RSF1: variants seen among roughly 807,000 people sequenced by gnomAD.
RSF1 encodes remodeling and spacing factor 1.
A neutral mutation model predicts 145.2 loss-of-function variants in RSF1; 13 were observed. The ratio of observed to expected loss-of-function variants is 0.09; its 90% confidence interval spans 0.06 to 0.14. RSF1 has a LOEUF of 0.14. Ranked by LOEUF, RSF1 falls within the 10% of genes least tolerant of loss-of-function variation. The pLI, the probability that RSF1 is intolerant of heterozygous loss-of-function variation, is 1.00. For synonymous variants in RSF1, 577 were observed against 592.6 expected, an observed-to-expected ratio of 0.97 and a Z score of 0.38; for missense variants, 1,517 against 1,718.2, an observed-to-expected ratio of 0.88 and a Z score of 2.07.
At chr11:77,788,330 T>C (rs1253352347) in intron 1 of RSF1, among the ~76,000 whole-genome samples, 1 of 149,596 alleles carries the variant, frequency 6.7e-6, no homozygotes, top group South Asian at 2.1e-4. Context: ...ACATGAAAAG[T>C]TCTTATATGA....
intron 3 of RSF1, among the ~76,000 whole-genome samples, chr11:77,743,543 C>G (rs1376072257): frequency 2.0e-5 from 3 of 152,106 alleles, no homozygotes; most frequent in African/African-American, 7.2e-5. Context: ...AGTAGAAACA[C>G]TTCTAATTTT....
At chr11:77,818,643 G>A (rs1352911797) in intron 1 of RSF1, among the ~76,000 whole-genome samples, 2 of 152,138 alleles carry the variant, frequency 1.3e-5, no homozygotes, top group East Asian at 1.9e-4. Flanking sequence ...GCCGGGCTCG[G>A]TGGTGCACAC....
chr11:77,764,454 A>G, intron 2 of RSF1, 144 bp downstream of exon 2: 2 of 584,830 alleles, frequency 3.4e-6, no homozygotes, highest in South Asian at 4.5e-5. Flanking sequence ...AGAGAATCAC[A>G]TACTTGCAGT....
At chr11:77,754,923 C>T (rs1948100940) in intron 2 of RSF1, among the ~76,000 whole-genome samples, 1 of 151,986 alleles carries the variant, frequency 6.6e-6, no homozygotes, top group Non-Finnish European at 1.5e-5. Context: ...GATCCAAGAT[C>T]TTGCCACTGC....
intron 5 of RSF1, among the ~76,000 whole-genome samples, chr11:77,710,736 A>C (rs1960658751): frequency 6.6e-6 from 1 of 152,252 alleles, no homozygotes; most frequent in African/African-American, 2.4e-5. Context: ...CAGAATGCTG[A>C]CATTCCCATT....
At chr11:77,800,959 C>G (rs370713930) in intron 1 of RSF1, among the ~76,000 whole-genome samples, 70 of 152,172 alleles carry the variant, frequency 4.6e-4, no homozygotes, top group African/African-American at 1.6e-3. Context: ...GAGCCATAAT[C>G]GCACTATCGC....
At chr11:77,683,174 C>T (rs912730495) in intron 11 of RSF1, among the ~76,000 whole-genome samples, 3 of 152,080 alleles carry the variant, frequency 2.0e-5, no homozygotes, top group African/African-American at 7.2e-5. Flanking sequence ...GCCTGTAGTC[C>T]CAGCTACGTG....
At chr11:77,855,720 C>CTT in the RSF1 span, among the ~76,000 whole-genome samples, 8,330 of 127,890 alleles carry the variant, frequency 0.065, 430 homozygotes, top group Non-Finnish European at 0.083. Context: ...AGTTTTATGT[C>CTT]TTTTTTTTTT....
the RSF1 span, chr11:77,869,825 T>C: frequency 1.7e-5 from 28 of 1,612,766 alleles, no homozygotes; most frequent in Non-Finnish European, 2.3e-5. Context: ...AAGGTAGGTG[T>C]TGGTATGCAC....
chr11:77,800,607 T>C (rs1948616721), intron 1 of RSF1, among the ~76,000 whole-genome samples: 1 of 152,144 alleles, frequency 6.6e-6, no homozygotes, highest in Non-Finnish European at 1.5e-5. Flanking sequence ...TGGCAGCACA[T>C]GCCTGTCATC....
chr11:77,845,080 C>CT, the RSF1 span, among the ~76,000 whole-genome samples: 1 of 152,018 alleles, frequency 6.6e-6, no homozygotes, highest in African/African-American at 2.4e-5. Context: ...GTATGGATAT[C>CT]TTTGAGTTTG....
chr11:77,690,176 A>C (rs920565530), intron 9 of RSF1, among the ~76,000 whole-genome samples: 18 of 151,850 alleles, frequency 1.2e-4, no homozygotes, highest in South Asian at 6.2e-4. Flanking sequence ...AAAAAAAAAA[A>C]AAAACAAAAA....
intron 1 of RSF1, among the ~76,000 whole-genome samples, chr11:77,770,119 G>C (rs1408908755): frequency 6.6e-6 from 1 of 152,156 alleles, no homozygotes; most frequent in Non-Finnish European, 1.5e-5. Context: ...GAAAAGCAAA[G>C]AAACAGCTCA....
intron 1 of RSF1, among the ~76,000 whole-genome samples, chr11:77,780,004 T>A (rs1043829173): frequency 6.6e-6 from 1 of 152,224 alleles, no homozygotes; most frequent in Non-Finnish European, 1.5e-5. Context: ...AATCATCTTT[T>A]TATCCCACTT....
At chr11:77,695,191 T>A (rs1960252068) in intron 7 of RSF1, among the ~76,000 whole-genome samples, 1 of 152,140 alleles carries the variant, frequency 6.6e-6, no homozygotes, top group South Asian at 2.1e-4. Context: ...TATATTAAAA[T>A]CTCAATAGTA....
At chr11:77,720,538 T>C (rs1157888294) in intron 5 of RSF1, among the ~76,000 whole-genome samples, 3 of 152,204 alleles carry the variant, frequency 2.0e-5, no homozygotes, top group Non-Finnish European at 4.4e-5. Context: ...ACCAAACACT[T>C]ACTTGGAAAT....
chr11:77,725,534 C>CAA lies in RSF1; in HGVS notation c.733+9_733+10dup. The CAA allele has an allele frequency of 4.0e-6, 6 of 1,503,728 alleles. No homozygotes were observed. The highest frequency in any genetic ancestry group is 2.2e-5 in the Admixed American group (1 of 44,780). 93.1% of individuals were successfully genotyped at this position (1,503,728 alleles called of 1,614,324 possible). A position where few individuals can be genotyped will look rare whatever the true frequency, so the allele number is the denominator to read the frequency against. ...ACAAAACAAAGCAAAACAAAACACA[C>CAA]AAAAAAAAACCTTGTTTAGGTGTTT... On this transcript the variant is annotated intron_variant, in intron 5 of 15. Transcript: ENST00000308488.
At chr11:77,694,544 T>G (rs1372013825) in intron 7 of RSF1, among the ~76,000 whole-genome samples, 1 of 152,224 alleles carries the variant, frequency 6.6e-6, no homozygotes, top group East Asian at 1.9e-4. Flanking sequence ...AAGAAAACTT[T>G]TTACTTTTAA....
At chr11:77,827,440 T>C in the RSF1 span, among the ~76,000 whole-genome samples, 1 of 152,112 alleles carries the variant, frequency 6.6e-6, no homozygotes, top group Non-Finnish European at 1.5e-5. Context: ...TTATACACCA[T>C]AAACAAGTGG....
Sources: allele counts gnomAD v4.1 joint callset (sites outside exome capture counted in the v4.1 genomes callset), GRCh38; gene constraint gnomAD v4.1.1; transcripts MANE v1.5; gene names NCBI Gene and HGNC (gene_info 2026-07-23, HGNC 2026-07-21).